NT5M: variants seen among roughly 807,000 people sequenced by gnomAD.
NT5M encodes the protein 5'(3')-deoxyribonucleotidase, mitochondrial.
NT5M carries 22 observed loss-of-function variants against 22.2 expected under a neutral mutation model. That is an observed-to-expected ratio of 0.99 (90% CI 0.71 to 1.41). The LOEUF is 1.41. NT5M is among the 40% of genes most tolerant of loss of function. The pLI is 0.00. For missense variants in NT5M, 322 were observed against 314.8 expected, an observed-to-expected ratio of 1.02 and a Z score of -0.17; for synonymous variants, 167 against 133.0, an observed-to-expected ratio of 1.26 and a Z score of -1.76.
chr17:17,346,735 A>G, intron 4 of NT5M, 70 bp from the exon 5 acceptor site: 1 of 1,582,450 alleles, frequency 6.3e-7, no homozygotes, highest in Non-Finnish European at 8.6e-7. Context: ...CTGGATACCC[A>G]GGTTTCCACC....
chr17:17,338,320 G>T (rs1261117932), intron 3 of NT5M, among the ~76,000 whole-genome samples: 1 of 152,080 alleles, frequency 6.6e-6, no homozygotes, highest in Non-Finnish European at 1.5e-5. Context: ...AGCCTCTGGA[G>T]TAGCTGGGAC....
rs34209605 is a variant in NT5M at position 17,309,675 on chromosome 17, C to CTTT, written c.368+3050_368+3052dup. The stretch of plus-strand genomic sequence containing the variant: ...CTGATGGCTAATGATGCTCAAGCAT[C>CTTT]TTTTTTTTTTTTTTTTTTTTGAGAC... On this transcript the variant is annotated intron_variant, in intron 2 of 4. Transcript: ENST00000389022. 9.3e-4 allele frequency among the ~76,000 whole-genome samples: 113 copies of CTTT among 120,984 alleles called. 1 individual carries two copies. The highest frequency in any genetic ancestry group is 2.2e-3 in the African/African-American group (71 of 32,726). The allele number at this position is 120,984 out of a possible 152,430, so 79.4% of individuals were successfully genotyped here. A position where few individuals can be genotyped will look rare whatever the true frequency, so the allele number is the denominator to read the frequency against.
chr17:17,335,483 G>T (rs2049488556), intron 3 of NT5M, among the ~76,000 whole-genome samples: 2 of 151,988 alleles, frequency 1.3e-5, no homozygotes. Context: ...GTACATAGTA[G>T]GTGTGTATTT....
intron 1 of NT5M, among the ~76,000 whole-genome samples, chr17:17,305,394 G>GCCCCCCCC (rs34579357): frequency 5.0e-3 from 369 of 74,126 alleles, no homozygotes; most frequent in Non-Finnish European, 6.0e-3. Flanking sequence ...TAAAACAACC[G>GCCCCCCCC]CCCCCCCCCC....
intron 3 of NT5M, among the ~76,000 whole-genome samples, chr17:17,334,514 C>G (rs1388284025): frequency 7.3e-6 from 1 of 137,678 alleles, no homozygotes; most frequent in South Asian, 2.5e-4. Context: ...GAGTCTTGCT[C>G]TGTCGCCAGG....
intron 2 of NT5M, among the ~76,000 whole-genome samples, chr17:17,315,744 GTTTTTTTGT>G (rs1429911849): frequency 7.4e-5 from 5 of 67,714 alleles, no homozygotes; most frequent in Admixed American, 1.9e-4. Flanking sequence ...CTAACTTAGG[GTTTTTTTGT>G]TTTTTTTTTT....
chr17:17,320,705 C>CA (rs1437599528), intron 2 of NT5M, among the ~76,000 whole-genome samples: 20 of 152,114 alleles, frequency 1.3e-4, no homozygotes, highest in Non-Finnish European at 1.5e-5. Flanking sequence ...AGCAGGAGTG[C>CA]AGGCTGAGAG....
chr17:17,321,627 G>A (rs553095818), intron 2 of NT5M, among the ~76,000 whole-genome samples: 3 of 152,084 alleles, frequency 2.0e-5, no homozygotes, highest in Non-Finnish European at 4.4e-5. Context: ...AGGAATTGAA[G>A]GTGAAACAAG....
intron 3 of NT5M, among the ~76,000 whole-genome samples, chr17:17,328,723 A>G (rs1009293858): frequency 4.6e-5 from 7 of 152,128 alleles, no homozygotes; most frequent in Non-Finnish European, 8.8e-5. Flanking sequence ...ATTTTCTTTC[A>G]AGACCCAGTC....
At position 17,333,119 on chromosome 17, in the gene NT5M, T is replaced by G. The variant is rs75160271; in HGVS notation, c.429+9874T>G. ...TCCTTGATTAATGACATTGGACATG[T>G]TTTTAAGCAAGTAACCCTTTGTATA... On this transcript the variant is annotated intron_variant, in intron 3 of 4. Transcript: ENST00000389022. 6.3e-3 allele frequency among the ~76,000 whole-genome samples: 957 copies of G among 152,298 alleles called. 8 individuals are homozygous for G. The highest frequency in any genetic ancestry group is 0.01 in the Non-Finnish European group (706 of 68,020).
chr17:17,315,945 T>C (rs150090855), intron 2 of NT5M, among the ~76,000 whole-genome samples: 4,946 of 151,130 alleles, frequency 0.033, 241 homozygotes, highest in African/African-American at 0.11. Flanking sequence ...TTAGTAGAGA[T>C]GGCGTTTCAC....
Position 17,303,647 on chromosome 17 carries a change from G to C in NT5M, c.97G>C (p.Gly33Arg), listed in dbSNP as rs768705212. The C allele has an allele frequency of 1.8e-5, 26 of 1,475,482 alleles. No homozygotes were observed. Among genetic ancestry groups the C allele is most frequent in the Non-Finnish European group, 2.2e-5 (24 of 1,106,382 alleles). 91.4% of individuals were successfully genotyped at this position (1,475,482 alleles called of 1,614,324 possible). Residue 33 changes from glycine (G) to arginine (R), a missense_variant, in exon 1 of 5, where the codon GGC becomes CGC. By Grantham distance (125) the Gly-to-Arg change is moderately radical. Transcript: ENST00000389022. Reference protein sequence around the residue: ...GAAGGLGLAGGRALRVLVDMD... With the variant: ...GAAGGLGLAGRRALRVLVDMD... ...GGCGGGCGGGCTGGGCCTGGCGGGAGGCCGCGCCCTACGGGTGCTGGTGGA... is the reference window on the plus strand; with the variant it reads ...GGCGGGCGGGCTGGGCCTGGCGGGACGCCGCGCCCTACGGGTGCTGGTGGA...
At chr17:17,346,431 G>A (rs1190289662) in intron 4 of NT5M, among the ~76,000 whole-genome samples, 2 of 152,248 alleles carry the variant, frequency 1.3e-5, no homozygotes, top group Non-Finnish European at 2.9e-5. Flanking sequence ...GGGGCACAGA[G>A]AGGGAAGTTG....
chr17:17,306,944 T>C (rs2048815056), intron 2 of NT5M, among the ~76,000 whole-genome samples: 1 of 152,228 alleles, frequency 6.6e-6, no homozygotes, highest in Non-Finnish European at 1.5e-5. Context: ...ATGCCTGTAA[T>C]CCCAGCACTT....
chr17:17,343,413 T>TGGC (rs1455639751), intron 3 of NT5M, among the ~76,000 whole-genome samples: 1 of 152,114 alleles, frequency 6.6e-6, no homozygotes, highest in Non-Finnish European at 1.5e-5. Context: ...CAGGGAAAGG[T>TGGC]GGCGCTGGGA....
In NT5M at chr17:17,303,770, G is replaced by T. The variant is rs989072726; in HGVS notation, c.220G>T (p.Gly74Cys). Residue 74 changes from glycine to cysteine, a missense_variant, in exon 1 of 5, where the codon GGC becomes TGC. Coordinates refer to ENST00000389022, the MANE Select transcript of NT5M (RefSeq NM_020201.4). ...CTTCATCGCGCTGGAGGACCGGCGC[G>T]GCTTCTGGGTGTCGGAGCAGTACGG... ...QPFIALEDRR[G>C]FWVSEQYGRL... 7.6e-6 allele frequency: 12 copies of T among 1,581,900 alleles called. No homozygotes were observed. Among genetic ancestry groups the T allele is most frequent in the Non-Finnish European group, 1.0e-5 (12 of 1,165,794 alleles).
At chr17:17,339,007 G>T (rs565733667) in intron 3 of NT5M, among the ~76,000 whole-genome samples, 1 of 152,126 alleles carries the variant, frequency 6.6e-6, no homozygotes, top group South Asian at 2.1e-4. Flanking sequence ...GATTACAGGC[G>T]TGAGCCACCG....
intron 3 of NT5M, among the ~76,000 whole-genome samples, chr17:17,344,535 C>T (rs1280375271): frequency 1.3e-5 from 2 of 152,150 alleles, no homozygotes; most frequent in Non-Finnish European, 1.5e-5. Context: ...GAAGAGGGGA[C>T]AGGGCTGGGT....
Position 17,327,942 on chromosome 17 carries a change from C to T in NT5M, c.429+4697C>T, listed in dbSNP as rs956522708. 3.3e-5 allele frequency among the ~76,000 whole-genome samples: 5 copies of T among 152,190 alleles called. 2 individuals carry two copies. The highest frequency in any genetic ancestry group is 7.4e-5 in the Non-Finnish European group (5 of 68,014). ...TGCTGGGATTACAGGTGTGAGCCAC[C>T]ATGCCCAGCCAGAAACATGATTGTT... On this transcript the variant is annotated intron_variant, in intron 3 of 4. Coordinates refer to ENST00000389022, the MANE Select transcript of NT5M (RefSeq NM_020201.4).
Sources: allele counts gnomAD v4.1 joint callset (sites outside exome capture counted in the v4.1 genomes callset), GRCh38; gene constraint gnomAD v4.1.1; transcripts MANE v1.5; gene names NCBI Gene and HGNC (gene_info 2026-07-23, HGNC 2026-07-21).